GOLM1: variants seen among roughly 807,000 people sequenced by gnomAD.
GOLM1 encodes the protein golgi membrane protein 1.
Under a neutral mutation model 50.5 loss-of-function variants are expected in GOLM1, and 31 were observed. The ratio of observed to expected loss-of-function variants is 0.61; its 90% CI spans 0.46 to 0.83. GOLM1 has a LOEUF of 0.83. Ranked by LOEUF, GOLM1 falls within the 40% of genes least tolerant of loss-of-function variation. GOLM1 has a pLI of 0.00. For synonymous variants in GOLM1, 178 were observed against 192.8 expected (o/e 0.92, Z 0.64); for missense variants, 491 against 501.3 (o/e 0.98, Z 0.20).
intron 7 of GOLM1, 109 bp from the exon 8 acceptor site, chr9:86,035,734 G>A (rs1833112288): frequency 2.9e-6 from 3 of 1,026,210 alleles, no homozygotes; most frequent in Non-Finnish European, 4.3e-6. Flanking sequence ...CCTTCCCAAG[G>A]AGTGGGGGTG....
At chr9:86,082,381 CTTT>C (rs35328152) in intron 1 of GOLM1, among the ~76,000 whole-genome samples, 1 of 141,292 alleles carries the variant, frequency 7.1e-6, no homozygotes, top group East Asian at 2.1e-4. Context: ...CTTTTCTTTC[CTTT>C]TTTTTTTTTC....
chr9:86,053,585 A>ACCACACCAGAACACACACCATG (rs1833867720), intron 3 of GOLM1, among the ~76,000 whole-genome samples: 1 of 1,386 alleles, frequency 7.2e-4, no homozygotes, highest in Non-Finnish European at 3.3e-3. Context: ...CACACCACAC[A>ACCACACCAGAACACACACCATG]CCACACCACT....
In GOLM1 at chr9:86,033,274, ATTC is replaced by A. The variant is rs1267684769; in HGVS notation, c.1129+5_1129+7del. The A allele has an allele frequency of 2.7e-6, 4 of 1,508,598 alleles. No homozygotes were observed. Among genetic ancestry groups the A allele is most frequent in the Non-Finnish European group, 2.8e-6 (3 of 1,083,340 alleles). The allele number at this position is 1,508,598 out of a possible 1,614,324, so 93.5% of individuals were successfully genotyped here. A position where few individuals can be genotyped will look rare whatever the true frequency, so the allele number is the denominator to read the frequency against. On this transcript the variant is annotated splice_donor_5th_base_variant and intron_variant, in intron 9 of 9. Transcript: ENST00000388712. ...TGACCTCGTCACCGATGTAGGCCCC[ATTC>A]TTACCATCTATGTTTCTGTCATTCC... is the stretch of plus-strand genomic sequence containing the variant.
intron 3 of GOLM1, among the ~76,000 whole-genome samples, chr9:86,060,709 T>A (rs565533069): frequency 1.3e-5 from 2 of 150,552 alleles, no homozygotes; most frequent in East Asian, 3.9e-4. Flanking sequence ...AGAAGCCCCG[T>A]CTCTACTAAA....
chr9:86,088,937 GCT>G (rs1399818007), intron 1 of GOLM1, among the ~76,000 whole-genome samples: 3 of 152,160 alleles, frequency 2.0e-5, no homozygotes, highest in African/African-American at 7.2e-5. Context: ...TCCTTTAGGA[GCT>G]CTTGTAAGGC....
At position 86,045,671 on chromosome 9, in the gene GOLM1, C is replaced by CAA. The variant is rs1347505540; in HGVS notation, c.467+797_467+798dup. 4.9e-3 allele frequency among the ~76,000 whole-genome samples: 601 copies of CAA among 121,724 alleles called. 2 individuals carry two copies. The highest frequency in any genetic ancestry group is 0.023 in the African/African-American group (574 of 25,416). The allele number at this position is 121,724 out of a possible 152,430, so 79.9% of individuals were successfully genotyped here. A position where few individuals can be genotyped will look rare whatever the true frequency, so the allele number is the denominator to read the frequency against. ...GCATGGGGGACAGCGAGACTCCGCT[C>CAA]AAGAAAAAAAAAAAAAAAGTATATA... On this transcript the variant is annotated intron_variant, in intron 5 of 9. Transcript: ENST00000388712.
intron 4 of GOLM1, among the ~76,000 whole-genome samples, 157 bp from the exon 5 acceptor site, chr9:86,046,729 C>T (rs74457723): frequency 1.3e-5 from 2 of 152,192 alleles, no homozygotes; most frequent in Non-Finnish European, 2.9e-5. Context: ...AACACAGTCC[C>T]TCCCCAGAGT....
chr9:86,094,977 G>A (rs1835309842), intron 1 of GOLM1, among the ~76,000 whole-genome samples: 1 of 151,812 alleles, frequency 6.6e-6, no homozygotes, highest in Non-Finnish European at 1.5e-5. Flanking sequence ...CAGATAGTTG[G>A]GAGGCTGACG....
At position 86,031,070 on chromosome 9, in the gene GOLM1, C is replaced by T. The variant is rs540020250; in HGVS notation, c.1129+2212G>A. ...AATAAAAATACAAATATTAGCTGGACGTGGTGGCGTGCGCCTCTAATCTCA... is the reference window on the plus strand; with the variant it reads ...AATAAAAATACAAATATTAGCTGGATGTGGTGGCGTGCGCCTCTAATCTCA... On this transcript the variant is annotated intron_variant, in intron 9 of 9. Coordinates refer to ENST00000388712, the MANE Select transcript of GOLM1 (RefSeq NM_016548.4). Among the ~76,000 whole-genome samples the T allele has an allele frequency of 6.6e-5, 10 of 152,210 alleles. No individual in the cohort carries two copies. The South Asian group carries it at 1.0e-3, about 16-fold the overall frequency.
In GOLM1 at chr9:86,077,534, C is replaced by T. The variant is rs775304331; in HGVS notation, c.187G>A (p.Val63Met). The T allele has an allele frequency of 1.4e-5, 22 of 1,612,958 alleles. No homozygotes were observed. The highest frequency in any genetic ancestry group is 1.6e-5 in the Non-Finnish European group (19 of 1,178,986). ...VRRAAAERGAVELKKNEFQGE... is the reference protein window; with the variant it reads ...VRRAAAERGAMELKKNEFQGE... ...TGGAACTCGTTCTTCTTCAGCTCCA[C>T]GGCGCCTCTCTCTGCAGCCGCCCTG... The change falls in exon 3 of 10, where the codon GTG becomes ATG. Residue 63 changes from valine (V) to methionine (M), a missense_variant. Physicochemically the swap from Val to Met is conservative, Grantham distance 21 (BLOSUM62 1). Coordinates refer to ENST00000388712, the MANE Select transcript of GOLM1 (RefSeq NM_016548.4).
chr9:86,077,387 T>A, intron 3 of GOLM1, 25 bp downstream of exon 3: 1 of 1,594,000 alleles, frequency 6.3e-7, no homozygotes. Context: ...AGAAAAGAAC[T>A]GAGAGGAAAC....
At chr9:86,030,632 A>G (rs1832946588) in intron 9 of GOLM1, among the ~76,000 whole-genome samples, 1 of 152,266 alleles carries the variant, frequency 6.6e-6, no homozygotes, top group Non-Finnish European at 1.5e-5. Context: ...AGGTCTGACA[A>G]TAAATGCAGT....
At chr9:86,040,999 A>G in intron 5 of GOLM1, 131 bp from the exon 6 acceptor site, 1 of 744,152 alleles carries the variant, frequency 1.3e-6, no homozygotes, top group Non-Finnish European at 2.2e-6. Flanking sequence ...AGGGCACTTA[A>G]GACAGGGCAA....
chr9:86,068,785 G>A (rs775572830), intron 3 of GOLM1, among the ~76,000 whole-genome samples: 9 of 152,192 alleles, frequency 5.9e-5, no homozygotes, highest in Non-Finnish European at 1.0e-4. Context: ...AAATTCACCA[G>A]AACCAAACGT....
intron 1 of GOLM1, among the ~76,000 whole-genome samples, chr9:86,087,957 A>G (rs1448191173): frequency 6.6e-6 from 1 of 152,198 alleles, no homozygotes; most frequent in African/African-American, 2.4e-5. Flanking sequence ...ACCTCATAAA[A>G]TGAGTTAGGG....
chr9:86,032,743 T>C (rs923968085), intron 9 of GOLM1, among the ~76,000 whole-genome samples: 1 of 152,212 alleles, frequency 6.6e-6, no homozygotes, highest in Admixed American at 6.5e-5. Context: ...GATCAACCAA[T>C]CACCTGTAGG....
Position 86,027,407 on chromosome 9 carries a change from C to G in GOLM1, c.*410G>C, listed in dbSNP as rs1022285329. On this transcript the variant is annotated 3_prime_UTR_variant, in exon 10 of 10. Coordinates refer to ENST00000388712, the MANE Select transcript of GOLM1 (RefSeq NM_016548.4). ...GCTGGCACCAGCACTTGGTACAGCA[C>G]GTGGACAGGACGACGGAACCCAGAG... 9.9e-7 allele frequency: 1 copy of G among 1,009,688 alleles called. No homozygotes were observed. The highest frequency in any genetic ancestry group is 1.2e-6 in the Non-Finnish European group (1 of 845,888). The allele number at this position is 1,009,688 out of a possible 1,614,324, so 62.5% of individuals were successfully genotyped here. A position where few individuals can be genotyped will look rare whatever the true frequency, so the allele number is the denominator to read the frequency against.
intron 3 of GOLM1, among the ~76,000 whole-genome samples, chr9:86,053,575 C>CCATGCT: frequency 1.2e-5 from 1 of 82,996 alleles, no homozygotes; most frequent in African/African-American, 4.7e-5. Flanking sequence ...ACACATCACA[C>CCATGCT]ACACCACACA....
rs1017730531 is a variant in GOLM1, at chr9:86,027,159, A to G, written c.*658T>C. 2 of 985,316 alleles carry G rather than the reference A, an allele frequency of 2.0e-6. No individual in the cohort carries two copies. Among genetic ancestry groups the G allele is most frequent in the East Asian group, 2.3e-4 (2 of 8,836 alleles). The allele number at this position is 985,316 out of a possible 1,614,324, so 61.0% of individuals were successfully genotyped here. On this transcript the variant is annotated 3_prime_UTR_variant, in exon 10 of 10. Transcript: ENST00000388712. ...AAATGTTCAAATTCTAAGCCACTTA[A>G]TAGCGTTTTGTACATTAAAAATGAC... is the stretch of plus-strand genomic sequence containing the variant.
Sources: gnomAD v4.1 joint callset for allele counts (sites outside exome capture counted in the v4.1 genomes callset) on GRCh38, gnomAD v4.1.1 for gene constraint, MANE v1.5 for transcripts, NCBI Gene and HGNC (gene_info 2026-07-23, HGNC 2026-07-21) for gene names.